The following LPAR3 variants were observed in gnomAD, a reference collection of about 807,000 sequenced individuals.
LPAR3 encodes lysophosphatidic acid receptor 3, also known as LPA receptor 3.
Under a neutral mutation model 17.8 loss-of-function variants are expected in LPAR3, and 7 were observed. That is an observed-to-expected ratio of 0.39 (90% CI 0.22 to 0.74). The LOEUF (loss-of-function observed/expected upper bound fraction) is 0.74, where lower values mean the gene tolerates loss of function less well. LPAR3 is among the 30% of genes least tolerant of loss of function. The pLI is 0.40. For synonymous variants in LPAR3, 179 were observed against 179.9 expected, an observed-to-expected ratio of 0.99 and a Z score of 0.04; for missense variants, 391 against 453.4, an observed-to-expected ratio of 0.86 and a Z score of 1.25.
At chr1:84,860,583 C>T (rs577101545) in intron 2 of LPAR3, among the ~76,000 whole-genome samples, 24 of 152,276 alleles carry the variant, frequency 1.6e-4, no homozygotes, top group African/African-American at 5.1e-4. Flanking sequence ...AGCCCCTGTC[C>T]ATCCTTTCCT....
chr1:84,859,028 C>G (rs933226929), intron 2 of LPAR3, among the ~76,000 whole-genome samples: 1 of 152,098 alleles, frequency 6.6e-6, no homozygotes, highest in Admixed American at 6.6e-5. Flanking sequence ...ATGGGGGAAG[C>G]GCAAATAATT....
intron 2 of LPAR3, among the ~76,000 whole-genome samples, chr1:84,865,066 A>T (rs1660011870): frequency 6.6e-6 from 1 of 151,848 alleles, no homozygotes; most frequent in South Asian, 2.1e-4. Context: ...CATCCCTCAC[A>T]ACACTTTTTT....
At chr1:84,883,878 G>T (rs1359175411) in intron 1 of LPAR3, among the ~76,000 whole-genome samples, 1 of 152,106 alleles carries the variant, frequency 6.6e-6, no homozygotes, top group Non-Finnish European at 1.5e-5. Flanking sequence ...AAATATAATT[G>T]CAGAAAGTAA....
chr1:84,847,651 T>C (rs771325622), intron 2 of LPAR3, among the ~76,000 whole-genome samples: 6 of 152,180 alleles, frequency 3.9e-5, no homozygotes, highest in African/African-American at 7.2e-5. Context: ...GCTCCACTAC[T>C]TGGGGTCTCC....
chr1:84,847,912 C>T (rs1156735984), intron 2 of LPAR3, among the ~76,000 whole-genome samples: 2 of 152,222 alleles, frequency 1.3e-5, no homozygotes, highest in Non-Finnish European at 2.9e-5. Flanking sequence ...CCCCGAATCT[C>T]CTGCCTAGGT....
intron 2 of LPAR3, among the ~76,000 whole-genome samples, chr1:84,840,299 C>G (rs1054751682): frequency 6.6e-6 from 1 of 152,182 alleles, no homozygotes; most frequent in Non-Finnish European, 1.5e-5. Context: ...GTATCATTAA[C>G]GCAATTTCAC....
Position 84,813,643 on chromosome 1 carries a change from T to A in LPAR3, c.*203A>T. 1.8e-6 allele frequency: 1 copy of A among 549,186 alleles called. No individual in the cohort carries two copies. The highest frequency in any genetic ancestry group is 3.2e-6 in the Non-Finnish European group (1 of 309,206). The allele number at this position is 549,186 out of a possible 1,614,324, so 34.0% of individuals were successfully genotyped here. Reference sequence around the variant, plus strand: ...CAGGGACCCGCCGAACCTCTCCCGTTTCTGTGCTTTCTCTAAATGCAGCAG... The same window carrying A: ...CAGGGACCCGCCGAACCTCTCCCGTATCTGTGCTTTCTCTAAATGCAGCAG... On this transcript the variant is annotated 3_prime_UTR_variant, in exon 3 of 3. Coordinates refer to ENST00000370611, the MANE Select transcript of LPAR3 (RefSeq NM_012152.3).
intron 2 of LPAR3, among the ~76,000 whole-genome samples, chr1:84,828,174 GAC>G (rs975109900): frequency 6.6e-6 from 1 of 151,936 alleles, no homozygotes; most frequent in Non-Finnish European, 1.5e-5. Flanking sequence ...GTGAGCGATG[GAC>G]ACACACACAG....
At chr1:84,887,162 C>T (rs746256425) in intron 1 of LPAR3, among the ~76,000 whole-genome samples, 6 of 151,114 alleles carry the variant, frequency 4.0e-5, no homozygotes, top group Admixed American at 1.3e-4. Flanking sequence ...CTCAGGATTT[C>T]GAGACCAGCT....
At chr1:84,891,033 C>T (rs1660543399) in intron 1 of LPAR3, among the ~76,000 whole-genome samples, 1 of 152,038 alleles carries the variant, frequency 6.6e-6, no homozygotes, top group Non-Finnish European at 1.5e-5. Context: ...TTCCGGTGAA[C>T]ACACATGAAA....
intron 1 of LPAR3, among the ~76,000 whole-genome samples, chr1:84,887,314 C>A (rs1360849195): frequency 6.6e-6 from 1 of 151,200 alleles, no homozygotes; most frequent in Non-Finnish European, 1.5e-5. Flanking sequence ...GAGGTTGGGG[C>A]TGCAGTGAGC....
chr1:84,861,399 A>G (rs576309448), intron 2 of LPAR3, among the ~76,000 whole-genome samples: 1 of 152,162 alleles, frequency 6.6e-6, no homozygotes, highest in African/African-American at 2.4e-5. Flanking sequence ...CAAGATTCAT[A>G]TTCTCTCTCT....
chr1:84,865,971 C>G lies in LPAR3; in HGVS notation c.150G>C (p.Leu50=), dbSNP rs758974532. 3.4e-5 allele frequency: 55 copies of G among 1,613,828 alleles called. 1 individual carries two copies. In the South Asian group the frequency reaches 5.9e-4, roughly 17 times the overall value. ...TGTTTTTGATCACTGCCGCGATGAC[C>G]AGAGAATTAGAAAAAAAAATAAACA... ...FCLFIFFSNS[L]VIAAVIKNRK... is the part of the protein sequence containing the mutation. The change falls in exon 2 of 3, where the codon CTG becomes CTC. Residue 50 remains leucine (L), a synonymous_variant. Transcript: ENST00000370611.
At chr1:84,850,826 G>T (rs904349057) in intron 2 of LPAR3, among the ~76,000 whole-genome samples, 1 of 152,256 alleles carries the variant, frequency 6.6e-6, no homozygotes, top group Non-Finnish European at 1.5e-5. Flanking sequence ...CTGATGCGCA[G>T]AGTTAGTAAG....
At chr1:84,868,506 C>T (rs547277723) in intron 1 of LPAR3, among the ~76,000 whole-genome samples, 2 of 152,238 alleles carry the variant, frequency 1.3e-5, no homozygotes, top group Admixed American at 1.3e-4. Flanking sequence ...AAGAGAAATA[C>T]AGCTTTCAAC....
At chr1:84,845,873 T>C (rs953360208) in intron 2 of LPAR3, among the ~76,000 whole-genome samples, 8 of 152,204 alleles carry the variant, frequency 5.3e-5, no homozygotes, top group African/African-American at 1.9e-4. Flanking sequence ...GAAGTTTCTG[T>C]GAGTTTGCTT....
At chr1:84,889,047 A>G (rs973579511) in intron 1 of LPAR3, among the ~76,000 whole-genome samples, 42 of 151,998 alleles carry the variant, frequency 2.8e-4, no homozygotes, top group Non-Finnish European at 5.0e-4. Flanking sequence ...ATCAGGGGTC[A>G]TGGGCAAGGG....
At chr1:84,879,316 C>CTTTTCTTTTTTTTTTTTT (rs200517029) in intron 1 of LPAR3, among the ~76,000 whole-genome samples, 1 of 120,602 alleles carries the variant, frequency 8.3e-6, no homozygotes, top group African/African-American at 3.5e-5. Context: ...TTTCTTTTTT[C>CTTTTCTTTTTTTTTTTTT]TTTTTTTTTT....
chr1:84,820,348 G>A (rs1659030551), intron 2 of LPAR3, among the ~76,000 whole-genome samples: 1 of 152,192 alleles, frequency 6.6e-6, no homozygotes, highest in Non-Finnish European at 1.5e-5. Flanking sequence ...AGATGAGCCA[G>A]GTGAATGTGA....
Sources: gnomAD v4.1 joint callset for allele counts (sites outside exome capture counted in the v4.1 genomes callset) on GRCh38, gnomAD v4.1.1 for gene constraint, MANE v1.5 for transcripts, NCBI Gene and HGNC (gene_info 2026-07-23, HGNC 2026-07-21) for gene names.